The following ROBO1 variants were observed in gnomAD, a reference collection of about 807,000 sequenced individuals.
ROBO1 encodes the protein roundabout homolog 1.
Under a neutral mutation model 195.9 loss-of-function variants are expected in ROBO1, and 149 were observed. The observed-to-expected ratio is 0.76, with a 90% confidence interval of 0.67 to 0.87. The LOEUF is 0.87. Ranked by LOEUF, ROBO1 falls within the 40% of genes least tolerant of loss-of-function variation. The probability of loss-of-function intolerance (pLI) is 0.00; values close to 1 mark genes in which losing one functional copy is unlikely to be tolerated. For missense variants in ROBO1, 1,933 were observed against 2,068.3 expected, an observed-to-expected ratio of 0.93 and a Z score of 1.27; for synonymous variants, 816 against 733.2, an observed-to-expected ratio of 1.11 and a Z score of -1.82.
intron 3 of ROBO1, among the ~76,000 whole-genome samples, chr3:79,086,312 T>TAA (rs932286463): frequency 1.4e-5 from 2 of 147,038 alleles, no homozygotes; most frequent in African/African-American, 5.0e-5. Flanking sequence ...CTCTTTCATG[T>TAA]AAAAAAAAAA....
intron 2 of ROBO1, among the ~76,000 whole-genome samples, chr3:79,186,296 T>G (rs1418209288): frequency 6.6e-6 from 1 of 152,028 alleles, no homozygotes; most frequent in Non-Finnish European, 1.5e-5. Flanking sequence ...TTTATGTATA[T>G]CTACACACAC....
chr3:79,506,119 T>A (rs1940379623), intron 2 of ROBO1, among the ~76,000 whole-genome samples: 1 of 152,050 alleles, frequency 6.6e-6, no homozygotes, highest in East Asian at 1.9e-4. Flanking sequence ...GATCACAGGT[T>A]TATTTATTTA....
chr3:78,809,743 G>GCAGCCACA (rs1287990167), intron 4 of ROBO1, among the ~76,000 whole-genome samples: 2 of 151,894 alleles, frequency 1.3e-5, no homozygotes, highest in Non-Finnish European at 2.9e-5. Context: ...CACAGAAACA[G>GCAGCCACA]AAAACCAAAC....
At chr3:79,679,235 T>C (rs1342505657) in intron 1 of ROBO1, among the ~76,000 whole-genome samples, 2 of 152,086 alleles carry the variant, frequency 1.3e-5, no homozygotes, top group African/African-American at 4.8e-5. Flanking sequence ...ATGCTTAAGT[T>C]ATAAAAAGTT....
At chr3:79,288,811 C>T (rs564902105) in intron 2 of ROBO1, among the ~76,000 whole-genome samples, 136 of 151,948 alleles carry the variant, frequency 9.0e-4, no homozygotes, top group African/African-American at 3.3e-3. Flanking sequence ...CCAATTTCTA[C>T]TCAGTTTAGA....
chr3:79,358,710 C>G (rs964419512), intron 2 of ROBO1, among the ~76,000 whole-genome samples: 2 of 151,550 alleles, frequency 1.3e-5, no homozygotes, highest in Non-Finnish European at 2.9e-5. Context: ...GAAACAAACT[C>G]CAGAAATGCA....
intron 3 of ROBO1, among the ~76,000 whole-genome samples, chr3:79,092,556 C>T (rs909749842): frequency 2.6e-5 from 4 of 152,110 alleles, no homozygotes; most frequent in African/African-American, 9.7e-5. Flanking sequence ...GAGGATTTTG[C>T]AACTATCTTA....
chr3:79,521,733 C>A (rs1026039306), intron 2 of ROBO1, among the ~76,000 whole-genome samples: 12 of 152,046 alleles, frequency 7.9e-5, no homozygotes, highest in Non-Finnish European at 1.3e-4. Flanking sequence ...TTTGTCACCA[C>A]CCCCCACCCA....
chr3:79,515,327 T>C (rs1352647125), intron 2 of ROBO1, among the ~76,000 whole-genome samples: 1 of 152,176 alleles, frequency 6.6e-6, no homozygotes, highest in Non-Finnish European at 1.5e-5. Flanking sequence ...CAGATATAAT[T>C]GCCAAAATGA....
intron 3 of ROBO1, among the ~76,000 whole-genome samples, chr3:78,980,501 A>G (rs576810011): frequency 2.1e-4 from 32 of 152,328 alleles, no homozygotes; most frequent in African/African-American, 7.2e-4. Flanking sequence ...TTCCAACAGG[A>G]GAATATTCTT....
chr3:79,320,726 C>G (rs1468462046), intron 2 of ROBO1, among the ~76,000 whole-genome samples: 1 of 152,128 alleles, frequency 6.6e-6, no homozygotes, highest in Non-Finnish European at 1.5e-5. Context: ...AAACAGAAGG[C>G]TCTACTTTAG....
Position 78,717,775 on chromosome 3 carries a change from G to T in ROBO1, c.766C>A (p.Leu256Met). ...AAATTACACTTACCTAAGACAGTCA[G>T]CTCGGCTACTTCACTCTCACGTTCC... The part of the protein sequence containing the change: ...VGERESEVAE[L>M]TVLERPSFVK... The change falls in exon 6 of 31, where the codon CTG becomes ATG. Residue 256 changes from leucine to methionine, a missense_variant. Leu to Met is a conservative substitution (Grantham distance 15). Coordinates refer to ENST00000464233, the MANE Select transcript of ROBO1 (RefSeq NM_002941.4). 1 of 1,613,280 alleles carries T rather than the reference G, an allele frequency of 6.2e-7. No homozygotes were observed. Among genetic ancestry groups the T allele is most frequent in the Admixed American group, 1.7e-5 (1 of 59,928 alleles).
chr3:78,989,692 C>T (rs1441653491), intron 3 of ROBO1, among the ~76,000 whole-genome samples: 1 of 152,070 alleles, frequency 6.6e-6, no homozygotes, highest in African/African-American at 2.4e-5. Flanking sequence ...TAGGATATAA[C>T]ATTGAGTTTT....
At chr3:78,753,901 T>A (rs1332165988) in intron 4 of ROBO1, among the ~76,000 whole-genome samples, 1 of 152,352 alleles carries the variant, frequency 6.6e-6, no homozygotes, top group East Asian at 1.9e-4. Flanking sequence ...TTATACACTT[T>A]AAAATAACCT....
At chr3:79,160,904 T>C (rs1285163357) in intron 2 of ROBO1, among the ~76,000 whole-genome samples, 1 of 151,982 alleles carries the variant, frequency 6.6e-6, no homozygotes, top group Non-Finnish European at 1.5e-5. Context: ...CACAAAGTCA[T>C]TTTTTACTAT....
At chr3:78,889,224 T>A (rs1373400015) in intron 4 of ROBO1, among the ~76,000 whole-genome samples, 1 of 152,162 alleles carries the variant, frequency 6.6e-6, no homozygotes, top group East Asian at 1.9e-4. Context: ...ATTAAGCAAT[T>A]TTCCCCAATA....
chr3:79,181,188 T>C (rs1010318086), intron 2 of ROBO1, among the ~76,000 whole-genome samples: 3 of 152,154 alleles, frequency 2.0e-5, no homozygotes, highest in Admixed American at 6.6e-5. Flanking sequence ...ACACCCTCTC[T>C]TCTCTCTGTT....
At chr3:79,706,552 T>G (rs9827023) in intron 1 of ROBO1, among the ~76,000 whole-genome samples, 43,284 of 151,896 alleles carry the variant, frequency 0.28, 7,208 homozygotes, top group African/African-American at 0.47. Context: ...TCTTGATCTT[T>G]TGTTGTGGGA....
Position 78,646,189 on chromosome 3 carries a change from T to C in ROBO1, c.2841A>G (p.Val947=), listed in dbSNP as rs1240847063. Residue 947 remains valine (V), a splice_region_variant and synonymous_variant, in exon 21 of 31, where the codon GTA becomes GTG. Transcript: ENST00000464233. ...CAGCTTCGCCTCCTCTCTGGTAAGT[T>C]ACTAGAATGTTACGAAAAAAAAAAG... ...KVPSFTFTPT[V]TYQRGGEAVS... 1 of 1,607,276 alleles carries C rather than the reference T, an allele frequency of 6.2e-7. No individual in the cohort carries two copies. The highest frequency in any genetic ancestry group is 8.5e-7 in the Non-Finnish European group (1 of 1,175,514).
Sources: allele counts gnomAD v4.1 joint callset (sites outside exome capture counted in the v4.1 genomes callset), GRCh38; gene constraint gnomAD v4.1.1; transcripts MANE v1.5; gene names NCBI Gene and HGNC (gene_info 2026-07-23, HGNC 2026-07-21).